The following SLC4A5 variants were observed in gnomAD, a reference collection of about 807,000 sequenced individuals.
SLC4A5 encodes solute carrier family 4 member 5, also known as electrogenic sodium bicarbonate cotransporter 4.
Under a neutral mutation model 120.4 loss-of-function variants are expected in SLC4A5, and 96 were observed. The ratio of observed to expected loss-of-function variants is 0.80; its 90% CI spans 0.68 to 0.94. SLC4A5 has a LOEUF of 0.94. Among genes scored for constraint, SLC4A5 ranks in the 40% least tolerant of loss-of-function variants. The probability of loss-of-function intolerance (pLI) is 0.00; values close to 1 mark genes in which losing one functional copy is unlikely to be tolerated. For missense variants in SLC4A5, 1,259 were observed against 1,459.5 expected (o/e 0.86, Z 2.24); for synonymous variants, 550 against 571.1 (o/e 0.96, Z 0.53).
intron 9 of SLC4A5, among the ~76,000 whole-genome samples, 190 bp from the exon 10 acceptor site, chr2:74,264,489 CGTGTGTGT>C (rs59538523): frequency 2.1e-4 from 30 of 143,752 alleles, no homozygotes; most frequent in African/African-American, 7.3e-4. Context: ...TTCAAGGGCA[CGTGTGTGT>C]GTGTGTGTGT....
intron 17 of SLC4A5, among the ~76,000 whole-genome samples, 170 bp from the exon 18 acceptor site, chr2:74,248,656 G>A (rs1670695891): frequency 6.6e-6 from 1 of 152,106 alleles, no homozygotes; most frequent in Non-Finnish European, 1.5e-5. Context: ...TCCACAACTT[G>A]CCACCATGGC....
chr2:74,263,487 C>T (rs1037055032), intron 10 of SLC4A5, among the ~76,000 whole-genome samples: 1 of 152,180 alleles, frequency 6.6e-6, no homozygotes, highest in South Asian at 2.1e-4. Flanking sequence ...CTCAGTAGGG[C>T]TAGTGTCCCT....
At chr2:74,302,437 T>C (rs889705308) in intron 7 of SLC4A5, among the ~76,000 whole-genome samples, 5 of 152,108 alleles carry the variant, frequency 3.3e-5, no homozygotes, top group African/African-American at 1.2e-4. Context: ...CCCAACATGG[T>C]GAAACCCTGT....
chr2:74,337,469 A>G (rs1673520231), intron 3 of SLC4A5, among the ~76,000 whole-genome samples: 1 of 152,240 alleles, frequency 6.6e-6, no homozygotes, highest in Admixed American at 6.5e-5. Flanking sequence ...ATTAAGGGTC[A>G]GCACCTTTTT....
intron 7 of SLC4A5, among the ~76,000 whole-genome samples, chr2:74,294,672 T>A (rs920782721): frequency 7.0e-6 from 1 of 142,452 alleles, no homozygotes; most frequent in African/African-American, 3.0e-5. Context: ...GGCCTCTCAG[T>A]TTTTTGGATT....
At chr2:74,316,373 C>T (rs1049263008) in intron 5 of SLC4A5, among the ~76,000 whole-genome samples, 5 of 137,772 alleles carry the variant, frequency 3.6e-5, no homozygotes, top group Non-Finnish European at 6.2e-5. Flanking sequence ...AAATAAAATC[C>T]TAAGCCTCCC....
intron 3 of SLC4A5, among the ~76,000 whole-genome samples, chr2:74,336,417 A>G (rs141670880): frequency 1.3e-5 from 2 of 152,294 alleles, no homozygotes; most frequent in African/African-American, 4.8e-5. Flanking sequence ...AGTGATTAAG[A>G]GCAGGAGATC....
intron 7 of SLC4A5, among the ~76,000 whole-genome samples, chr2:74,286,607 CTA>C (rs1410669632): frequency 1.3e-5 from 2 of 152,166 alleles, no homozygotes; most frequent in Non-Finnish European, 2.9e-5. Flanking sequence ...TGAAGAAGAC[CTA>C]TGTGTCCTTG....
chr2:74,288,023 C>G (rs890579682), intron 7 of SLC4A5, among the ~76,000 whole-genome samples: 1 of 152,156 alleles, frequency 6.6e-6, no homozygotes, highest in Non-Finnish European at 1.5e-5. Flanking sequence ...CAGCCCCCAC[C>G]ACGCTAAGGA....
intron 30 of SLC4A5, among the ~76,000 whole-genome samples, chr2:74,220,457 G>A (rs955450218): frequency 7.9e-5 from 12 of 152,182 alleles, no homozygotes; most frequent in Admixed American, 2.6e-4. Context: ...GATCCTTAGC[G>A]TTCATTTATC....
chr2:74,293,638 A>C (rs1338986675), intron 7 of SLC4A5, among the ~76,000 whole-genome samples: 4 of 152,210 alleles, frequency 2.6e-5, no homozygotes, highest in Non-Finnish European at 5.9e-5. Flanking sequence ...GGGGCTGAGA[A>C]GGCACTGCGC....
chr2:74,313,201 C>T (rs1672862642), intron 6 of SLC4A5, among the ~76,000 whole-genome samples: 1 of 152,028 alleles, frequency 6.6e-6, no homozygotes, highest in African/African-American at 2.4e-5. Flanking sequence ...CTGGTTTTAA[C>T]TGAGCACTTT....
intron 23 of SLC4A5, among the ~76,000 whole-genome samples, chr2:74,233,010 C>A (rs954161382): frequency 6.6e-6 from 1 of 152,170 alleles, no homozygotes; most frequent in African/African-American, 2.4e-5. Context: ...GAGGGGGTGA[C>A]CCGAGTCTTC....
At chr2:74,230,999 G>A (rs1274474590) in intron 25 of SLC4A5, among the ~76,000 whole-genome samples, 1 of 152,026 alleles carries the variant, frequency 6.6e-6, no homozygotes, top group Non-Finnish European at 1.5e-5. Flanking sequence ...TAGAGACAGG[G>A]TTTCACCATG....
At chr2:74,246,438 T>C (rs1036852045) in intron 19 of SLC4A5, among the ~76,000 whole-genome samples, 2 of 152,198 alleles carry the variant, frequency 1.3e-5, no homozygotes, top group Non-Finnish European at 1.5e-5. Context: ...TTTCAGAGGG[T>C]GAACACAGCT....
At chr2:74,294,446 G>C (rs1210538270) in intron 7 of SLC4A5, among the ~76,000 whole-genome samples, 1 of 152,176 alleles carries the variant, frequency 6.6e-6, no homozygotes, top group Admixed American at 6.5e-5. Context: ...TCTTCAATTT[G>C]CATGTTGTCC....
At chr2:74,340,870 A>T (rs1339942096) in intron 2 of SLC4A5, among the ~76,000 whole-genome samples, 4 of 152,160 alleles carry the variant, frequency 2.6e-5, no homozygotes, top group African/African-American at 9.7e-5. Flanking sequence ...CTCCACTCCA[A>T]GTCAAGATTG....
At chr2:74,262,343 T>C in intron 10 of SLC4A5, 111 bp from the exon 11 acceptor site, 2 of 627,292 alleles carry the variant, frequency 3.2e-6, no homozygotes, top group African/African-American at 1.9e-5. Flanking sequence ...ACATGTCTCT[T>C]CCCCTTCTGG....
At chr2:74,307,147 C>A (rs747824487) in intron 6 of SLC4A5, 25 of 559,202 alleles carry the variant, frequency 4.5e-5, no homozygotes, top group Non-Finnish European at 7.0e-5. Context: ...ATCTCAGCAG[C>A]TCCAACCTTG....
Sources: gnomAD v4.1 joint callset for allele counts (sites outside exome capture counted in the v4.1 genomes callset) on GRCh38, gnomAD v4.1.1 for gene constraint, MANE v1.5 for transcripts, NCBI Gene and HGNC (gene_info 2026-07-23, HGNC 2026-07-21) for gene names.